Variants in NRXN3 observed in about 807,000 individuals in gnomAD.
The protein encoded by NRXN3 is neurexin 3, also known as neurexin III.
In NRXN3, 32 loss-of-function variants were observed where a neutral mutation model predicts 137.6. The observed-to-expected ratio is 0.23, with a 90% CI of 0.18 to 0.31. NRXN3 has a LOEUF of 0.31. NRXN3 is among the 10% of genes least tolerant of loss of function. The pLI is 1.00. For synonymous variants in NRXN3, 798 were observed against 784.5 expected, an observed-to-expected ratio of 1.02 and a Z score of -0.29; for missense variants, 1,574 against 2,062.5, an observed-to-expected ratio of 0.76 and a Z score of 4.59.
At chr14:79,140,573 C>CTGTGTGTGTGTGTGTGTGTG (rs3035591) in intron 15 of NRXN3, among the ~76,000 whole-genome samples, 3 of 143,834 alleles carry the variant, frequency 2.1e-5, no homozygotes, top group African/African-American at 7.8e-5. Context: ...CCCCACCTCA[C>CTGTGTGTGTGTGTGTGTGTG]TGTGTGTGTG....
chr14:79,311,009 A>T (rs374068864), intron 15 of NRXN3, among the ~76,000 whole-genome samples: 2 of 126,446 alleles, frequency 1.6e-5, no homozygotes, highest in Non-Finnish European at 3.1e-5. Flanking sequence ...CCTGTCTTGT[A>T]CCAGTTTTCA....
Position 78,243,450 on chromosome 14 carries a change from G to T in NRXN3, c.357G>T (p.Leu119=), listed in dbSNP as rs1231000202. Reference sequence around the variant, plus strand: ...TCCTCATGGTGAGCCGTGACCGCCTGCGCACGGTGCTGATGCTTGATGGCG... The same window carrying T: ...TCCTCATGGTGAGCCGTGACCGCCTTCGCACGGTGCTGATGCTTGATGGCG... ...WHFLMVSRDR[L]RTVLMLDGEG... Residue 119 remains leucine (L), a synonymous_variant, in exon 2 of 21, where the codon CTG becomes CTT. Coordinates refer to ENST00000335750, the MANE Select transcript of NRXN3 (RefSeq NM_001330195.2). The surrounding 1 kb of genome is among the most constrained non-coding windows in gnomAD (Gnocchi z 4.2). 6.3e-7 allele frequency: 1 copy of T among 1,576,246 alleles called. No homozygotes were observed. The highest frequency in any genetic ancestry group is 8.6e-7 in the Non-Finnish European group (1 of 1,168,872).
chr14:78,397,563 T>A (rs1376246129), intron 4 of NRXN3, among the ~76,000 whole-genome samples: 1 of 152,022 alleles, frequency 6.6e-6, no homozygotes, highest in Admixed American at 6.5e-5. Flanking sequence ...TGCAGAGACT[T>A]TTATTTCATT....
chr14:79,340,389 T>C (rs1027152859), intron 15 of NRXN3, among the ~76,000 whole-genome samples: 1 of 152,206 alleles, frequency 6.6e-6, no homozygotes, highest in African/African-American at 2.4e-5. Context: ...AGATGAAGGT[T>C]ATGCCAGTTA....
chr14:79,361,769 T>C (rs973093199), intron 15 of NRXN3, among the ~76,000 whole-genome samples: 7 of 152,066 alleles, frequency 4.6e-5, no homozygotes, highest in Admixed American at 1.3e-4. Flanking sequence ...CTGATATCGA[T>C]TGATGACGTT....
intron 6 of NRXN3, among the ~76,000 whole-genome samples, chr14:78,692,881 G>C (rs1456636941): frequency 6.7e-6 from 1 of 149,638 alleles, no homozygotes; most frequent in Non-Finnish European, 1.5e-5. Context: ...ATGAGTTCAA[G>C]ACGAGCCTGG....
At chr14:78,638,405 G>T (rs1024549724) in intron 4 of NRXN3, among the ~76,000 whole-genome samples, 4 of 152,184 alleles carry the variant, frequency 2.6e-5, no homozygotes, top group African/African-American at 9.7e-5. Context: ...TGGCTCTGCA[G>T]CTTGATCTCT....
At chr14:79,595,440 A>G (rs1422146058) in intron 16 of NRXN3, among the ~76,000 whole-genome samples, 1 of 152,222 alleles carries the variant, frequency 6.6e-6, no homozygotes, top group African/African-American at 2.4e-5. Flanking sequence ...TGTTCAATAT[A>G]GTAGTCACTA....
At chr14:78,363,995 A>AAGG (rs1232957864) in intron 4 of NRXN3, among the ~76,000 whole-genome samples, 7 of 152,224 alleles carry the variant, frequency 4.6e-5, no homozygotes, top group Non-Finnish European at 8.8e-5. Flanking sequence ...TCTGAAATAC[A>AAGG]AGGACTATGT....
chr14:78,857,519 A>C (rs1050327100), intron 10 of NRXN3, among the ~76,000 whole-genome samples: 1 of 152,170 alleles, frequency 6.6e-6, no homozygotes, highest in African/African-American at 2.4e-5. Context: ...GTGTAATTAA[A>C]AAGTCATCCA....
In NRXN3 at chr14:79,217,433, G is replaced by A. The variant is rs1421511887; in HGVS notation, c.3262+229292G>A. Among the ~76,000 whole-genome samples, 5 of 152,102 alleles carry A rather than the reference G, an allele frequency of 3.3e-5. No homozygotes were observed. The East Asian group carries it at 7.8e-4, about 24-fold the overall frequency. On this transcript the variant is annotated intron_variant, in intron 15 of 20. Coordinates refer to ENST00000335750, the MANE Select transcript of NRXN3 (RefSeq NM_001330195.2). ...CATGAGGGATCCATCCCCATGACCC[G>A]GACACCTCCCACCAGGCCCCATCTC...
At chr14:78,794,388 TCAAAAAA>T (rs2098814868) in intron 8 of NRXN3, among the ~76,000 whole-genome samples, 1 of 152,274 alleles carries the variant, frequency 6.6e-6, no homozygotes, top group Middle Eastern at 3.4e-3. Flanking sequence ...AGACTCTGTT[TCAAAAAA>T]CAAAAAACAG....
At chr14:78,892,800 G>A (rs2099163046) in intron 10 of NRXN3, among the ~76,000 whole-genome samples, 1 of 150,334 alleles carries the variant, frequency 6.7e-6, no homozygotes, top group African/African-American at 2.5e-5. Flanking sequence ...GTGTGTGTGT[G>A]TGTGTGTGTG....
At chr14:78,589,705 T>C (rs2097098928) in intron 4 of NRXN3, among the ~76,000 whole-genome samples, 1 of 152,200 alleles carries the variant, frequency 6.6e-6, no homozygotes, top group Admixed American at 6.5e-5. Flanking sequence ...GGTTCTGCTC[T>C]TGGGCCAGGA....
chr14:79,227,167 G>A (rs2071075199), intron 15 of NRXN3, among the ~76,000 whole-genome samples: 1 of 152,052 alleles, frequency 6.6e-6, no homozygotes, highest in African/African-American at 2.4e-5. Flanking sequence ...TTTATTTGAA[G>A]AAAGTCTATT....
intron 4 of NRXN3, among the ~76,000 whole-genome samples, chr14:78,362,895 A>G (rs2085344204): frequency 6.6e-6 from 1 of 152,230 alleles, no homozygotes; most frequent in Non-Finnish European, 1.5e-5. Context: ...GAGTACCACA[A>G]TATAAGGTGT....
At chr14:78,948,607 A>G (rs533421164) in intron 10 of NRXN3, among the ~76,000 whole-genome samples, 5 of 125,318 alleles carry the variant, frequency 4.0e-5, no homozygotes, top group Middle Eastern at 5.2e-3. Flanking sequence ...ACTCACTTTC[A>G]TTTACAATAT....
At position 78,711,290 on chromosome 14, in the gene NRXN3, A is replaced by T. The variant is rs568310589; in HGVS notation, c.1660+1635A>T. Among the ~76,000 whole-genome samples the T allele has an allele frequency of 3.7e-4, 56 of 151,094 alleles. 1 individual carries two copies. Among genetic ancestry groups the T allele is most frequent in the South Asian group, 1.9e-3 (9 of 4,738 alleles). ...TCATTTCTGTCTGTTCCTAATACAA[A>T]TTTTTCTTTCAAACAATTTTGAACA... On this transcript the variant is annotated intron_variant, in intron 7 of 20. Coordinates refer to ENST00000335750, the MANE Select transcript of NRXN3 (RefSeq NM_001330195.2).
At chr14:79,740,245 C>T (rs542432738) in intron 19 of NRXN3, among the ~76,000 whole-genome samples, 71 of 152,228 alleles carry the variant, frequency 4.7e-4, no homozygotes, top group Admixed American at 5.9e-4. Flanking sequence ...GCACTAATCT[C>T]TCTTCTGAAG....
Sources: gnomAD v4.1 joint callset for allele counts (sites outside exome capture counted in the v4.1 genomes callset) on GRCh38, gnomAD v4.1.1 for gene constraint, Gnocchi (gnomAD v3.1) non-coding constraint, MANE v1.5 for transcripts, NCBI Gene and HGNC (gene_info 2026-07-23, HGNC 2026-07-21) for gene names.